NKAIN2: variants seen among roughly 807,000 people sequenced by gnomAD.
NKAIN2 encodes the protein sodium/potassium-transporting ATPase subunit beta-1-interacting protein 2.
A neutral mutation model predicts 32.6 loss-of-function variants in NKAIN2; 14 were observed. The ratio of observed to expected loss-of-function variants is 0.43; its 90% CI spans 0.28 to 0.67. The LOEUF is 0.67. NKAIN2 is among the 30% of genes least tolerant of loss of function. The probability of loss-of-function intolerance (pLI) is 0.17; values close to 1 mark genes in which losing one functional copy is unlikely to be tolerated. For synonymous variants in NKAIN2, 80 were observed against 87.2 expected (o/e 0.92, Z 0.46); for missense variants, 198 against 258.3 (o/e 0.77, Z 1.60).
intron 1 of NKAIN2, among the ~76,000 whole-genome samples, chr6:123,902,662 G>T (rs1383686397): frequency 6.6e-6 from 1 of 151,884 alleles, no homozygotes; most frequent in Admixed American, 6.6e-5. Flanking sequence ...AACCCTGTTT[G>T]GGCATAATAC....
chr6:124,243,570 A>G (rs1246489313), intron 1 of NKAIN2, among the ~76,000 whole-genome samples: 1 of 152,024 alleles, frequency 6.6e-6, no homozygotes, highest in Non-Finnish European at 1.5e-5. Context: ...CAGCCAATGT[A>G]TTGGAAATGT....
chr6:124,749,187 C>T (rs1777595770), intron 4 of NKAIN2, among the ~76,000 whole-genome samples: 1 of 151,874 alleles, frequency 6.6e-6, no homozygotes, highest in Admixed American at 6.6e-5. Flanking sequence ...GAGTCTTCCT[C>T]CATCCTGAAA....
At position 124,504,030 on chromosome 6, in the gene NKAIN2, A is replaced by C. The variant is rs182325394; in HGVS notation, c.273+148683A>C. 2.0e-3 allele frequency among the ~76,000 whole-genome samples: 300 copies of C among 152,268 alleles called. 2 individuals are homozygous for C. The highest frequency in any genetic ancestry group is 7.1e-3 in the African/African-American group (295 of 41,572). On this transcript the variant is annotated intron_variant, in intron 3 of 6. Coordinates refer to ENST00000368417, the MANE Select transcript of NKAIN2 (RefSeq NM_001040214.3). ...TTGTAGTGTTATTCTTCTGTAGAAC[A>C]TTAGCCTAGTCTGTATTTAACTGAA...
intron 1 of NKAIN2, among the ~76,000 whole-genome samples, chr6:124,023,457 A>G (rs1427565618): frequency 6.6e-6 from 1 of 151,968 alleles, no homozygotes; most frequent in African/African-American, 2.4e-5. Context: ...ATCCTTTTCC[A>G]TCTTTCAAAT....
At chr6:123,915,399 C>T (rs1051069186) in intron 1 of NKAIN2, among the ~76,000 whole-genome samples, 4 of 152,168 alleles carry the variant, frequency 2.6e-5, no homozygotes, top group African/African-American at 9.6e-5. Context: ...CTGTCTCCCA[C>T]TCACTTTACC....
chr6:124,232,705 A>T (rs2114741013), intron 1 of NKAIN2, among the ~76,000 whole-genome samples: 1 of 152,282 alleles, frequency 6.6e-6, no homozygotes, highest in Non-Finnish European at 1.5e-5. Context: ...TAGAACCATC[A>T]ATCTGCATCA....
intron 4 of NKAIN2, among the ~76,000 whole-genome samples, chr6:124,701,153 G>GCGCACACACACACACACA (rs1554253913): frequency 7.6e-6 from 1 of 132,030 alleles, no homozygotes; most frequent in African/African-American, 2.7e-5. Context: ...ACACACACAC[G>GCGCACACACACACACACA]CACACACACA....
chr6:124,022,827 C>T (rs1780927688), intron 1 of NKAIN2, among the ~76,000 whole-genome samples: 1 of 152,062 alleles, frequency 6.6e-6, no homozygotes, highest in African/African-American at 2.4e-5. Flanking sequence ...CAGAGTGTGA[C>T]TGCTTTGCAT....
chr6:124,149,062 T>C (rs141300502), intron 1 of NKAIN2, among the ~76,000 whole-genome samples: 2 of 152,306 alleles, frequency 1.3e-5, no homozygotes, highest in African/African-American at 4.8e-5. Context: ...ATTCAAGATA[T>C]TGATCATTCT....
At chr6:124,438,461 G>GT (rs1459329540) in intron 3 of NKAIN2, among the ~76,000 whole-genome samples, 3 of 152,078 alleles carry the variant, frequency 2.0e-5, no homozygotes, top group Non-Finnish European at 4.4e-5. Context: ...CTTAAACTCA[G>GT]TTTTTTCTGT....
intron 1 of NKAIN2, among the ~76,000 whole-genome samples, chr6:124,181,361 C>A (rs2114544255): frequency 6.6e-6 from 1 of 152,162 alleles, no homozygotes; most frequent in South Asian, 2.1e-4. Context: ...GAGACATTTT[C>A]CTTATTGTCT....
intron 3 of NKAIN2, among the ~76,000 whole-genome samples, chr6:124,411,217 T>C (rs1304770717): frequency 1.3e-5 from 2 of 152,194 alleles, no homozygotes; most frequent in Admixed American, 6.5e-5. Context: ...AATTTGATCC[T>C]GTCATTATGA....
intron 1 of NKAIN2, among the ~76,000 whole-genome samples, chr6:123,824,730 T>TAAA (rs111605515): frequency 1.4e-5 from 2 of 141,734 alleles, no homozygotes; most frequent in Admixed American, 7.1e-5. Flanking sequence ...AACTTAAAAT[T>TAAA]AAAAAAAAAA....
At chr6:124,314,728 C>T (rs1796869622) in intron 2 of NKAIN2, among the ~76,000 whole-genome samples, 1 of 152,152 alleles carries the variant, frequency 6.6e-6, no homozygotes, top group African/African-American at 2.4e-5. Context: ...AAGGGCAATG[C>T]CCAGTGAGAC....
chr6:124,707,715 G>A (rs994511629), intron 4 of NKAIN2, among the ~76,000 whole-genome samples: 9 of 151,620 alleles, frequency 5.9e-5, no homozygotes, highest in African/African-American at 2.2e-4. Flanking sequence ...AAATTTGTTT[G>A]AGTCCATTGT....
At chr6:123,844,200 A>C (rs1417886997) in intron 1 of NKAIN2, among the ~76,000 whole-genome samples, 1 of 152,166 alleles carries the variant, frequency 6.6e-6, no homozygotes. Context: ...TCTGAACCCC[A>C]ACCGTGTCCT....
chr6:124,556,809 A>G (rs770946543), intron 3 of NKAIN2, among the ~76,000 whole-genome samples: 12 of 152,216 alleles, frequency 7.9e-5, no homozygotes, highest in South Asian at 2.1e-4. Flanking sequence ...AACTAGTCCT[A>G]TAATTGGTGA....
intron 1 of NKAIN2, among the ~76,000 whole-genome samples, chr6:123,988,475 A>G (rs1263923932): frequency 6.6e-6 from 1 of 152,190 alleles, no homozygotes; most frequent in African/African-American, 2.4e-5. Context: ...AGTTTCCGTC[A>G]GTTCCACAGA....
At chr6:124,221,296 T>C (rs927082041) in intron 1 of NKAIN2, among the ~76,000 whole-genome samples, 8 of 151,536 alleles carry the variant, frequency 5.3e-5, no homozygotes, top group Non-Finnish European at 1.2e-4. Flanking sequence ...CTCAGTAAAC[T>C]ATCACAAGAA....
Sources: allele counts gnomAD v4.1 joint callset (sites outside exome capture counted in the v4.1 genomes callset), GRCh38; gene constraint gnomAD v4.1.1; transcripts MANE v1.5; gene names NCBI Gene and HGNC (gene_info 2026-07-23, HGNC 2026-07-21).